Variants in DOCK2 observed in about 807,000 individuals in gnomAD.
DOCK2 encodes the protein dedicator of cytokinesis protein 2.
DOCK2 carries 87 observed loss-of-function variants against 248.9 expected under a neutral mutation model. The ratio of observed to expected loss-of-function variants is 0.35; its 90% CI spans 0.29 to 0.42. DOCK2 has a LOEUF of 0.42. DOCK2 is among the 10% of genes least tolerant of loss of function. The pLI is 1.00. For missense variants in DOCK2, 1,747 were observed against 2,300.2 expected, an observed-to-expected ratio of 0.76 and a Z score of 4.92; for synonymous variants, 805 against 821.6, an observed-to-expected ratio of 0.98 and a Z score of 0.35.
rs115352610 is a variant in DOCK2, at chr5:169,667,920, G to A, written c.128-1368G>A. ...AGTAGAACATCTTCCATCACTGGAA[G>A]TATTCAGGTGGAAAGTAGCTTAGTG... On this transcript the variant is annotated intron_variant, in intron 2 of 51. Coordinates refer to ENST00000520908, the MANE Select transcript of DOCK2 (RefSeq NM_004946.3). 3.4e-3 allele frequency among the ~76,000 whole-genome samples: 522 copies of A among 152,358 alleles called. 5 individuals are homozygous for A. Among genetic ancestry groups the A allele is most frequent in the African/African-American group, 0.012 (506 of 41,570 alleles).
chr5:170,065,383 G>A (rs1054501214), intron 44 of DOCK2, among the ~76,000 whole-genome samples: 4 of 152,018 alleles, frequency 2.6e-5, no homozygotes. Context: ...GAACAGAATG[G>A]CATTAGTAAG....
At chr5:170,057,035 C>T (rs761766772) in intron 43 of DOCK2, 40 of 451,058 alleles carry the variant, frequency 8.9e-5, no homozygotes, top group Admixed American at 1.1e-4. Context: ...ATTGCCAGCA[C>T]GTAGAAACCC....
chr5:170,062,537 C>G (rs1230248717), intron 44 of DOCK2, among the ~76,000 whole-genome samples: 1 of 152,176 alleles, frequency 6.6e-6, no homozygotes, highest in African/African-American at 2.4e-5. Flanking sequence ...CTCATCTTCT[C>G]TCCCTGTGGA....
chr5:169,782,916 G>A (rs1238417976), intron 25 of DOCK2, among the ~76,000 whole-genome samples: 1 of 152,180 alleles, frequency 6.6e-6, no homozygotes, highest in Non-Finnish European at 1.5e-5. Flanking sequence ...GTTTAGAACA[G>A]GTTTTCCAAT....
chr5:169,861,674 T>G (rs1022976578), intron 27 of DOCK2, among the ~76,000 whole-genome samples: 1 of 152,186 alleles, frequency 6.6e-6, no homozygotes, highest in African/African-American at 2.4e-5. Context: ...CATGAATAAG[T>G]GAGTATGCAG....
chr5:169,695,075 A>G (rs1368745065), intron 9 of DOCK2: 6 of 152,252 alleles, frequency 3.9e-5, no homozygotes, highest in Non-Finnish European at 7.3e-5. Flanking sequence ...GGCAAATGAC[A>G]TGCAAGCAAA....
rs549670923 is a variant in DOCK2 at position 169,674,422 on chromosome 5, G to C, written c.447G>C (p.Thr149=). The change falls in exon 6 of 52, where the codon ACG becomes ACC. Residue 149 remains threonine (T), a synonymous_variant. Coordinates refer to ENST00000520908, the MANE Select transcript of DOCK2 (RefSeq NM_004946.3). ...DELKELKQKV[T]SKIDYGNKIL... ...TGAAGGAACTGAAGCAGAAAGTCAC[G>C]TCCAAAATTGACTATGGCAACAAGT... 1 of 1,614,070 alleles carries C rather than the reference G, an allele frequency of 6.2e-7. No individual in the cohort carries two copies.
chr5:169,879,576 G>A (rs1029726818), intron 27 of DOCK2, among the ~76,000 whole-genome samples: 4 of 152,216 alleles, frequency 2.6e-5, no homozygotes, highest in African/African-American at 9.6e-5. Flanking sequence ...GTGCATGAAG[G>A]TTTGCTAACC....
At chr5:169,936,131 C>T (rs1775982352) in intron 27 of DOCK2, among the ~76,000 whole-genome samples, 1 of 152,208 alleles carries the variant, frequency 6.6e-6, no homozygotes, top group Non-Finnish European at 1.5e-5. Context: ...AACCACCTGT[C>T]TGCCCTTGAG....
chr5:169,941,423 T>G, intron 27 of DOCK2, among the ~76,000 whole-genome samples: 1 of 152,080 alleles, frequency 6.6e-6, no homozygotes, highest in Admixed American at 6.5e-5. Context: ...TTAGAGAGGC[T>G]TCTGTCTGAA....
chr5:169,837,532 G>A lies in DOCK2; in HGVS notation c.2704-3225G>A, dbSNP rs113809128. Reference sequence around the variant, plus strand: ...CTGCAAGCCCAACCAGAGAGCTGATGCAAACCAAGGGGAACGTGAGTTGCA... The same window carrying A: ...CTGCAAGCCCAACCAGAGAGCTGATACAAACCAAGGGGAACGTGAGTTGCA... On this transcript the variant is annotated intron_variant, in intron 26 of 51. Coordinates refer to ENST00000520908, the MANE Select transcript of DOCK2 (RefSeq NM_004946.3). Among the ~76,000 whole-genome samples the A allele has an allele frequency of 4.4e-3, 676 of 152,306 alleles. 4 individuals are homozygous for A. The highest frequency in any genetic ancestry group is 0.015 in the African/African-American group (633 of 41,562).
intron 27 of DOCK2, among the ~76,000 whole-genome samples, chr5:169,965,448 A>C (rs1777263268): frequency 6.6e-6 from 1 of 152,234 alleles, no homozygotes; most frequent in Non-Finnish European, 1.5e-5. Flanking sequence ...CATAGAGATT[A>C]AATAGCTTGC....
At chr5:169,873,622 C>T (rs1013727257) in intron 27 of DOCK2, among the ~76,000 whole-genome samples, 1 of 152,212 alleles carries the variant, frequency 6.6e-6, no homozygotes, top group Non-Finnish European at 1.5e-5. Flanking sequence ...GGGACACTGT[C>T]ATAAGCAGAT....
At chr5:169,653,897 C>T (rs941882782) in intron 1 of DOCK2, among the ~76,000 whole-genome samples, 3 of 152,176 alleles carry the variant, frequency 2.0e-5, no homozygotes, top group African/African-American at 7.2e-5. Context: ...CCATAGATCC[C>T]TGGGGTGCCT....
intron 25 of DOCK2, among the ~76,000 whole-genome samples, chr5:169,789,837 C>T (rs971747885): frequency 7.9e-5 from 12 of 152,130 alleles, no homozygotes; most frequent in South Asian, 4.1e-4. Context: ...ACCAGGCCAG[C>T]GGATAAATTC....
chr5:169,831,370 T>C (rs1186368497), intron 26 of DOCK2, among the ~76,000 whole-genome samples: 1 of 152,232 alleles, frequency 6.6e-6, no homozygotes, highest in East Asian at 1.9e-4. Context: ...TTTGACCACA[T>C]TTATCTTGCT....
chr5:169,854,970 A>C (rs1261654535), intron 27 of DOCK2, among the ~76,000 whole-genome samples: 1 of 152,208 alleles, frequency 6.6e-6, no homozygotes, highest in Non-Finnish European at 1.5e-5. Context: ...AAAGTTATAG[A>C]GAGGAGGTGA....
chr5:169,761,587 T>C lies in DOCK2; in HGVS notation c.2516T>C (p.Met839Thr). The change falls in exon 25 of 52, where the codon ATG becomes ACG. Residue 839 changes from methionine to threonine, a missense_variant. Around this residue, in one of 4 missense-constraint regions of DOCK2, gnomAD observed 858 missense variants for 1,183.5 expected, o/e 0.72. Transcript: ENST00000520908. ...CTCCAGAAGCAGAAAGTACAGTCTA[T>C]GAATGAGATAGTCCAGAGCAACCTC... is the stretch of plus-strand genomic sequence containing the variant. ...VKLQKQKVQS[M>T]NEIVQSNLFK... The C allele has an allele frequency of 6.2e-7, 1 of 1,614,096 alleles. No homozygotes were observed. Among genetic ancestry groups the C allele is most frequent in the Non-Finnish European group, 8.5e-7 (1 of 1,179,954 alleles).
chr5:169,665,775 A>G (rs1758691032), intron 2 of DOCK2, among the ~76,000 whole-genome samples: 2 of 152,168 alleles, frequency 1.3e-5, no homozygotes, highest in African/African-American at 4.8e-5. Context: ...ACCAAAGGCC[A>G]TGTGGCTTGG....
Sources: gnomAD v4.1 joint callset for allele counts (sites outside exome capture counted in the v4.1 genomes callset) on GRCh38, gnomAD v4.1.1 for gene constraint, gnomAD v4.1.1 regional missense constraint, MANE v1.5 for transcripts, NCBI Gene and HGNC (gene_info 2026-07-23, HGNC 2026-07-21) for gene names.